Variants in IL17RD observed in about 807,000 individuals in gnomAD.
IL17RD encodes the protein interleukin 17 receptor D.
A neutral mutation model predicts 80.5 loss-of-function variants in IL17RD; 52 were observed. That is an observed-to-expected ratio of 0.65 (90% CI 0.52 to 0.81). The LOEUF (loss-of-function observed/expected upper bound fraction) is 0.81, where lower values mean the gene tolerates loss of function less well. Ranked by LOEUF, IL17RD falls within the 40% of genes least tolerant of loss-of-function variation. The pLI, the probability that IL17RD is intolerant of heterozygous loss-of-function variation, is 0.00. For missense variants in IL17RD, 1,024 were observed against 955.1 expected, an observed-to-expected ratio of 1.07 and a Z score of -0.95; for synonymous variants, 416 against 391.8, an observed-to-expected ratio of 1.06 and a Z score of -0.73.
At chr3:57,142,086 C>A (rs1559482224) in intron 1 of IL17RD, among the ~76,000 whole-genome samples, 2 of 152,110 alleles carry the variant, frequency 1.3e-5, no homozygotes, top group Non-Finnish European at 2.9e-5. Context: ...CCACTGACAC[C>A]AAAAATAACC....
intron 1 of IL17RD, among the ~76,000 whole-genome samples, chr3:57,142,934 T>C (rs1707857995): frequency 6.6e-6 from 1 of 152,214 alleles, no homozygotes; most frequent in African/African-American, 2.4e-5. Context: ...GAGATTTAAA[T>C]AATCTGTTAT....
At chr3:57,163,803 A>AGG (rs1401715931) in intron 1 of IL17RD, among the ~76,000 whole-genome samples, 2 of 5,552 alleles carry the variant, frequency 3.6e-4, no homozygotes, top group Non-Finnish European at 4.6e-4. Flanking sequence ...CGGGGGGGGA[A>AGG]GGGGGTGGCG....
chr3:57,096,608 C>A, intron 12 of IL17RD, 103 bp from the exon 13 acceptor site: 1 of 829,298 alleles, frequency 1.2e-6, no homozygotes, highest in Non-Finnish European at 2.1e-6. Flanking sequence ...GGACTATGGG[C>A]TCTGTATAAA....
At chr3:57,123,812 G>A (rs1707390853) in intron 1 of IL17RD, among the ~76,000 whole-genome samples, 1 of 152,134 alleles carries the variant, frequency 6.6e-6, no homozygotes, top group Non-Finnish European at 1.5e-5. Flanking sequence ...GGGAGGCCGA[G>A]GCAGGTGGAT....
intron 1 of IL17RD, among the ~76,000 whole-genome samples, chr3:57,147,198 A>G (rs1707951182): frequency 6.6e-6 from 1 of 152,108 alleles, no homozygotes; most frequent in Admixed American, 6.6e-5. Context: ...AAAAGACTGC[A>G]GCCAGTCACT....
intron 1 of IL17RD, among the ~76,000 whole-genome samples, chr3:57,126,197 T>G (rs1707454942): frequency 6.6e-6 from 1 of 152,218 alleles, no homozygotes; most frequent in Non-Finnish European, 1.5e-5. Context: ...GGTGCCACAT[T>G]CTTAGTTAAT....
chr3:57,091,990 G>T lies in IL17RD; in HGVS notation c.*4403C>A, dbSNP rs2107453058. 6.6e-6 allele frequency: 1 copy of T among 152,622 alleles called. No homozygotes were observed. Among genetic ancestry groups the T allele is most frequent in the Admixed American group, 6.5e-5 (1 of 15,302 alleles). 9.5% of individuals were successfully genotyped at this position (152,622 alleles called of 1,614,324 possible). ...TTTTCACTCTGAGCCTGGAAAGGAG[G>T]TGATATGGCAAGGATGACCCAACAC... On this transcript the variant is annotated 3_prime_UTR_variant, in exon 13 of 13. Coordinates refer to ENST00000296318, the MANE Select transcript of IL17RD (RefSeq NM_017563.5).
intron 1 of IL17RD, among the ~76,000 whole-genome samples, chr3:57,123,688 G>A (rs6810042): frequency 0.2 from 31,188 of 152,138 alleles, 3,719 homozygotes; most frequent in Non-Finnish European, 0.28. Flanking sequence ...GGCCATCCAC[G>A]CCGGGTCATG....
In IL17RD at chr3:57,096,238, T is replaced by C. The variant is rs112221274; in HGVS notation, c.*155A>G. The C allele has an allele frequency of 6.5e-4, 398 of 616,754 alleles. 3 individuals are homozygous for C. In the African/African-American group the frequency reaches 6.8e-3, roughly 11 times the overall value. 38.2% of individuals were successfully genotyped at this position (616,754 alleles called of 1,614,324 possible). ...GTTTGTCAAGATATCCGGTAAAGGGTTGGGGCAAGGGAGAACAAGTACTGG... is the reference window on the plus strand; with the variant it reads ...GTTTGTCAAGATATCCGGTAAAGGGCTGGGGCAAGGGAGAACAAGTACTGG... On this transcript the variant is annotated 3_prime_UTR_variant, in exon 13 of 13. Transcript: ENST00000296318.
intron 1 of IL17RD, among the ~76,000 whole-genome samples, chr3:57,122,667 G>A (rs1707366534): frequency 6.6e-6 from 1 of 150,788 alleles, no homozygotes; most frequent in Non-Finnish European, 1.5e-5. Context: ...TGTCTTCCAC[G>A]AAACTAGTCC....
In IL17RD at chr3:57,094,950, C is replaced by T. The variant is rs1455489370; in HGVS notation, c.*1443G>A. On this transcript the variant is annotated 3_prime_UTR_variant, in exon 13 of 13. Transcript: ENST00000296318. ...GTATGACATTTGCATCAGAAATATA[C>T]ACAAACCTTTTCTTTCCAGCAGGGG... 6.6e-6 allele frequency: 1 copy of T among 152,640 alleles called. No homozygotes were observed. The highest frequency in any genetic ancestry group is 1.5e-5 in the Non-Finnish European group (1 of 68,036). The allele number at this position is 152,640 out of a possible 1,614,324, so 9.5% of individuals were successfully genotyped here.
intron 1 of IL17RD, 173 bp downstream of exon 1, chr3:57,164,988 A>C: frequency 7.5e-7 from 1 of 1,330,064 alleles, no homozygotes; most frequent in Non-Finnish European, 9.6e-7. Context: ...GCCGGAGGAC[A>C]CGCGTCCGGG....
At chr3:57,128,376 C>A (rs1325120762) in intron 1 of IL17RD, among the ~76,000 whole-genome samples, 1 of 152,216 alleles carries the variant, frequency 6.6e-6, no homozygotes, top group Non-Finnish European at 1.5e-5. Flanking sequence ...AATCAGCACA[C>A]ACATGTTCCT....
chr3:57,111,438 G>A lies in IL17RD; in HGVS notation c.311-1127C>T, dbSNP rs562457339. On this transcript the variant is annotated intron_variant, in intron 3 of 12. Coordinates refer to ENST00000296318, the MANE Select transcript of IL17RD (RefSeq NM_017563.5). ...TATTTCAATTACAAAGCTTCCTGTG[G>A]GGGTGAAAGCCAGCTGAGCAACCAC... Among the ~76,000 whole-genome samples the A allele has an allele frequency of 1.2e-4, 18 of 152,238 alleles. 1 individual carries two copies. In the South Asian group the frequency reaches 3.7e-3, roughly 32 times the overall value.
At chr3:57,108,086 G>A (rs1048277899) in intron 5 of IL17RD, among the ~76,000 whole-genome samples, 1 of 150,290 alleles carries the variant, frequency 6.7e-6, no homozygotes, top group Admixed American at 6.6e-5. Flanking sequence ...TTGAGATGGA[G>A]TCTTGCTCTG....
chr3:57,163,995 G>A (rs2060326722), intron 1 of IL17RD, among the ~76,000 whole-genome samples: 1 of 152,188 alleles, frequency 6.6e-6, no homozygotes, highest in Non-Finnish European at 1.5e-5. Context: ...GGTTTTGGCT[G>A]TGCTGAGGCT....
intron 1 of IL17RD, among the ~76,000 whole-genome samples, chr3:57,129,578 G>C (rs1043587328): frequency 7.9e-5 from 12 of 152,150 alleles, no homozygotes; most frequent in Non-Finnish European, 1.8e-4. Flanking sequence ...TATAGAAATG[G>C]GGGATTGTGA....
At chr3:57,102,757 T>C (rs1706865469) in intron 9 of IL17RD, among the ~76,000 whole-genome samples, 168 bp from the exon 10 acceptor site, 1 of 152,232 alleles carries the variant, frequency 6.6e-6, no homozygotes, top group Non-Finnish European at 1.5e-5. Context: ...GGTTCATATT[T>C]AAAGAGTTGC....
At chr3:57,114,446 A>G (rs997499486) in intron 3 of IL17RD, among the ~76,000 whole-genome samples, 2 of 152,200 alleles carry the variant, frequency 1.3e-5, no homozygotes, top group African/African-American at 4.8e-5. Flanking sequence ...TATTACTCAC[A>G]CAATATTACT....
Sources: gnomAD v4.1 joint callset for allele counts (sites outside exome capture counted in the v4.1 genomes callset) on GRCh38, gnomAD v4.1.1 for gene constraint, MANE v1.5 for transcripts, NCBI Gene and HGNC (gene_info 2026-07-23, HGNC 2026-07-21) for gene names.